Variants in ROBO2 observed in about 807,000 individuals in gnomAD.
ROBO2 encodes the protein roundabout homolog 2.
In ROBO2, 53 loss-of-function variants were observed where a neutral mutation model predicts 160.8. The ratio of observed to expected loss-of-function variants is 0.33; its 90% CI spans 0.26 to 0.41. The LOEUF is 0.41. Ranked by LOEUF, ROBO2 falls within the 10% of genes least tolerant of loss-of-function variation. The probability of loss-of-function intolerance (pLI) is 1.00; values close to 1 mark genes in which losing one functional copy is unlikely to be tolerated. For missense variants in ROBO2, 1,577 were observed against 1,722.4 expected (o/e 0.92, Z 1.49); for synonymous variants, 664 against 611.7 (o/e 1.09, Z -1.26).
At chr3:77,158,212 G>A (rs892013776) in intron 2 of ROBO2, among the ~76,000 whole-genome samples, 1 of 152,122 alleles carries the variant, frequency 6.6e-6, no homozygotes, top group Admixed American at 6.6e-5. Flanking sequence ...AACCCCCTGT[G>A]CCAACATTGG....
intron 7 of ROBO2, among the ~76,000 whole-genome samples, chr3:77,548,598 G>T (rs1245401940): frequency 6.6e-6 from 1 of 151,934 alleles, no homozygotes; most frequent in East Asian, 1.9e-4. Context: ...CTACATCTTT[G>T]TTAATGGTTT....
chr3:76,599,395 G>A (rs1031011051), intron 2 of ROBO2, among the ~76,000 whole-genome samples: 1 of 152,160 alleles, frequency 6.6e-6, no homozygotes, highest in African/African-American at 2.4e-5. Context: ...CCCTGCAAAG[G>A]ACATAATCTT....
At chr3:76,624,270 A>C (rs979975394) in intron 2 of ROBO2, among the ~76,000 whole-genome samples, 1 of 152,172 alleles carries the variant, frequency 6.6e-6, no homozygotes, top group Non-Finnish European at 1.5e-5. Context: ...CTTAGGGTCA[A>C]GAACGGGCAG....
At chr3:76,114,851 T>C (rs1277107801) in intron 2 of ROBO2, among the ~76,000 whole-genome samples, 2 of 152,150 alleles carry the variant, frequency 1.3e-5, no homozygotes, top group Non-Finnish European at 2.9e-5. Flanking sequence ...GTATCACTTT[T>C]AATGGTAAAA....
intron 2 of ROBO2, among the ~76,000 whole-genome samples, chr3:77,363,312 C>A (rs2070328164): frequency 6.6e-6 from 1 of 152,072 alleles, no homozygotes; most frequent in South Asian, 2.1e-4. Flanking sequence ...TTGTTGAAGG[C>A]ACCATTTATA....
intron 7 of ROBO2, among the ~76,000 whole-genome samples, chr3:77,547,964 C>CA (rs2153650806): frequency 6.6e-6 from 1 of 151,876 alleles, no homozygotes; most frequent in South Asian, 2.1e-4. Flanking sequence ...CACACTTAGA[C>CA]ACACACACAT....
intron 2 of ROBO2, among the ~76,000 whole-genome samples, chr3:76,406,318 A>G (rs1306746548): frequency 6.6e-6 from 1 of 151,866 alleles, no homozygotes; most frequent in Admixed American, 6.6e-5. Flanking sequence ...TGTAAATGTC[A>G]CAGGAATGCT....
intron 2 of ROBO2, among the ~76,000 whole-genome samples, chr3:76,410,695 T>C (rs3907672): frequency 0.19 from 28,375 of 152,136 alleles, 3,112 homozygotes; most frequent in African/African-American, 0.3. Context: ...TGCTTATTGG[T>C]GAATGACACT....
chr3:76,698,595 A>G (rs2092982437), intron 2 of ROBO2, among the ~76,000 whole-genome samples: 1 of 152,156 alleles, frequency 6.6e-6, no homozygotes, highest in African/African-American at 2.4e-5. Flanking sequence ...CCTCAAAACA[A>G]AGTAACCATT....
chr3:76,255,497 A>G (rs971283950), intron 2 of ROBO2, among the ~76,000 whole-genome samples: 5 of 152,070 alleles, frequency 3.3e-5, no homozygotes, highest in Admixed American at 1.3e-4. Context: ...ATCCTCAGGA[A>G]CTGGTCTCCA....
At chr3:76,889,663 A>G (rs2074188668) in intron 2 of ROBO2, among the ~76,000 whole-genome samples, 2 of 152,190 alleles carry the variant, frequency 1.3e-5, no homozygotes, top group Non-Finnish European at 2.9e-5. Flanking sequence ...GAAGAAAACC[A>G]TTAAAATCCC....
intron 2 of ROBO2, among the ~76,000 whole-genome samples, chr3:76,492,010 G>A (rs1246839037): frequency 6.6e-6 from 1 of 152,120 alleles, no homozygotes; most frequent in African/African-American, 2.4e-5. Flanking sequence ...CAGCTACTGG[G>A]GAGGCTGAGG....
chr3:77,428,339 A>ATTTTTTTTTT (rs59725522), intron 2 of ROBO2, among the ~76,000 whole-genome samples: 1 of 105,570 alleles, frequency 9.5e-6, no homozygotes, highest in African/African-American at 4.2e-5. Context: ...CTTAGGTAAT[A>ATTTTTTTTTT]TTTTTTTTTT....
chr3:76,197,060 C>T (rs1354913463), intron 2 of ROBO2, among the ~76,000 whole-genome samples: 2 of 152,208 alleles, frequency 1.3e-5, no homozygotes, highest in African/African-American at 2.4e-5. Flanking sequence ...CTGTTGTACC[C>T]AGCTGAGTGA....
chr3:75,915,512 A>G (rs1291081107), intron 1 of ROBO2, among the ~76,000 whole-genome samples: 1 of 152,222 alleles, frequency 6.6e-6, no homozygotes, highest in Non-Finnish European at 1.5e-5. Flanking sequence ...ACAGTATTGT[A>G]ACTTTAAAAA....
chr3:76,339,310 A>C (rs1441155525), intron 2 of ROBO2, among the ~76,000 whole-genome samples: 3 of 152,148 alleles, frequency 2.0e-5, no homozygotes, highest in African/African-American at 7.2e-5. Context: ...GTTGTGTCTC[A>C]AATATTTGCT....
chr3:75,943,250 AT>A (rs1318429727), intron 2 of ROBO2, among the ~76,000 whole-genome samples: 2 of 150,736 alleles, frequency 1.3e-5, no homozygotes, highest in African/African-American at 2.4e-5. Context: ...TAACAAAAAA[AT>A]CTTACTATTC....
At chr3:76,477,248 T>G (rs908531811) in intron 2 of ROBO2, among the ~76,000 whole-genome samples, 5 of 152,302 alleles carry the variant, frequency 3.3e-5, no homozygotes, top group South Asian at 4.1e-4. Context: ...GGTAGGATTC[T>G]TTCATATTCG....
At chr3:77,521,278 T>C (rs2090568891) in intron 5 of ROBO2, among the ~76,000 whole-genome samples, 1 of 151,216 alleles carries the variant, frequency 6.6e-6, no homozygotes, top group Non-Finnish European at 1.5e-5. Context: ...GCCATTTTGC[T>C]CCTGAGCCTG....
Sources: allele counts gnomAD v4.1 joint callset (sites outside exome capture counted in the v4.1 genomes callset), GRCh38; gene constraint gnomAD v4.1.1; transcripts MANE v1.5; gene names NCBI Gene and HGNC (gene_info 2026-07-23, HGNC 2026-07-21).